Variants in BIN3 observed in about 807,000 individuals in gnomAD.
The protein encoded by BIN3 is bridging integrator 3.
Under a neutral mutation model 38.2 loss-of-function variants are expected in BIN3, and 41 were observed. The ratio of observed to expected loss-of-function variants is 1.07; its 90% confidence interval spans 0.84 to 1.39. The LOEUF is 1.39. Ranked by LOEUF, BIN3 falls within the 40% of genes most tolerant of loss-of-function variation. The pLI is 0.00. For synonymous variants in BIN3, 145 were observed against 122.6 expected, an observed-to-expected ratio of 1.18 and a Z score of -1.21; for missense variants, 361 against 324.3, an observed-to-expected ratio of 1.11 and a Z score of -0.87.
intron 1 of BIN3, among the ~76,000 whole-genome samples, chr8:22,648,894 C>CATATGTATGTATGTAT (rs369500575): frequency 6.8e-6 from 1 of 147,902 alleles, no homozygotes; most frequent in African/African-American, 2.5e-5. Context: ...TCCACATCAA[C>CATATGTATGTATGTAT]GTATGTATGT....
intron 8 of BIN3, among the ~76,000 whole-genome samples, chr8:22,622,857 A>G (rs895794103): frequency 6.6e-6 from 1 of 152,214 alleles, no homozygotes; most frequent in Non-Finnish European, 1.5e-5. Context: ...AGAAGGCTCT[A>G]GGTCTCACTG....
chr8:22,638,819 C>T (rs1299661019), intron 2 of BIN3, among the ~76,000 whole-genome samples: 1 of 152,216 alleles, frequency 6.6e-6, no homozygotes, highest in African/African-American at 2.4e-5. Flanking sequence ...CGCCTCCCAT[C>T]CTACAATCTT....
chr8:22,630,787 A>G (rs1333616029), intron 4 of BIN3, among the ~76,000 whole-genome samples: 1 of 152,176 alleles, frequency 6.6e-6, no homozygotes, highest in Non-Finnish European at 1.5e-5. Flanking sequence ...ACTGCTCCAG[A>G]CAATTCTTTT....
chr8:22,659,784 A>G (rs1168516979), intron 1 of BIN3, among the ~76,000 whole-genome samples: 1 of 152,232 alleles, frequency 6.6e-6, no homozygotes, highest in African/African-American at 2.4e-5. Context: ...TTATCTATAA[A>G]ATAGGATGGA....
intron 1 of BIN3, 199 bp from the exon 2 acceptor site, chr8:22,645,002 C>T: frequency 1.9e-6 from 1 of 526,870 alleles, no homozygotes; most frequent in South Asian, 2.1e-5. Flanking sequence ...GGTCCTCCCA[C>T]CTACAGTGTC....
intron 8 of BIN3, chr8:22,622,624 G>A (rs1267356919): frequency 2.6e-5 from 4 of 152,336 alleles, no homozygotes; most frequent in Non-Finnish European, 2.9e-5. Context: ...AATGCTGCCT[G>A]GTTAAAGGGC....
At chr8:22,663,436 T>A (rs924244334) in intron 1 of BIN3, among the ~76,000 whole-genome samples, 14 of 106,284 alleles carry the variant, frequency 1.3e-4, no homozygotes, top group Non-Finnish European at 2.6e-4. Flanking sequence ...CCCCCCGATT[T>A]GTTTAAAAAA....
At chr8:22,660,983 C>T (rs1803217977) in intron 1 of BIN3, among the ~76,000 whole-genome samples, 1 of 152,188 alleles carries the variant, frequency 6.6e-6, no homozygotes, top group South Asian at 2.1e-4. Flanking sequence ...TTCCTGGGCT[C>T]CAGCAGTCCA....
At chr8:22,632,670 A>G (rs1002131092) in intron 4 of BIN3, among the ~76,000 whole-genome samples, 3 of 151,382 alleles carry the variant, frequency 2.0e-5, no homozygotes, top group Non-Finnish European at 4.4e-5. Flanking sequence ...CAACCCAAAA[A>G]GCCAGAGGAG....
chr8:22,627,187 G>C (rs1030552077), intron 6 of BIN3, among the ~76,000 whole-genome samples: 4 of 152,190 alleles, frequency 2.6e-5, no homozygotes, highest in Non-Finnish European at 4.4e-5. Flanking sequence ...AACCACGGTG[G>C]GGGGAGGTTG....
intron 4 of BIN3, among the ~76,000 whole-genome samples, chr8:22,635,469 C>T (rs550853837): frequency 1.3e-5 from 2 of 152,262 alleles, no homozygotes; most frequent in South Asian, 4.1e-4. Context: ...GGTATATAGA[C>T]ACGGCTTCCC....
intron 4 of BIN3, among the ~76,000 whole-genome samples, chr8:22,634,817 G>A (rs1006128639): frequency 1.3e-5 from 2 of 152,180 alleles, no homozygotes; most frequent in African/African-American, 2.4e-5. Flanking sequence ...GGAATGAGTG[G>A]GGCATGGGGA....
chr8:22,630,128 G>T, intron 5 of BIN3, 124 bp from the exon 6 acceptor site: 1 of 1,150,866 alleles, frequency 8.7e-7, no homozygotes, highest in Non-Finnish European at 1.3e-6. Flanking sequence ...TCCTTGTCCT[G>T]GGCCTGGCTT....
chr8:22,648,792 G>T (rs937511702), intron 1 of BIN3, among the ~76,000 whole-genome samples: 2 of 152,012 alleles, frequency 1.3e-5, no homozygotes, highest in Non-Finnish European at 2.9e-5. Context: ...TATATTTTGG[G>T]TTATAATCTA....
chr8:22,635,600 T>C (rs1267451220), intron 4 of BIN3, among the ~76,000 whole-genome samples: 1 of 151,894 alleles, frequency 6.6e-6, no homozygotes, highest in African/African-American at 2.4e-5. Context: ...GGCCCTGTTC[T>C]CAGTGCTTTA....
intron 1 of BIN3, among the ~76,000 whole-genome samples, chr8:22,668,025 A>G (rs1306383274): frequency 6.6e-6 from 1 of 152,174 alleles, no homozygotes; most frequent in Non-Finnish European, 1.5e-5. Context: ...AGAGTGGCAA[A>G]TATGTTCCCT....
chr8:22,637,623 C>T (rs1802414559), intron 2 of BIN3, among the ~76,000 whole-genome samples: 1 of 152,220 alleles, frequency 6.6e-6, no homozygotes, highest in African/African-American at 2.4e-5. Context: ...CGGGGCTGCA[C>T]TTGTTGCGGA....
At chr8:22,643,315 CAG>C (rs1166924247) in intron 2 of BIN3, among the ~76,000 whole-genome samples, 1 of 150,124 alleles carries the variant, frequency 6.7e-6, no homozygotes, top group Non-Finnish European at 1.5e-5. Flanking sequence ...CTGCATGAAG[CAG>C]AGAGGCCCCA....
intron 1 of BIN3, among the ~76,000 whole-genome samples, chr8:22,647,243 C>T (rs1802742468): frequency 1.3e-5 from 2 of 152,200 alleles, no homozygotes; most frequent in African/African-American, 4.8e-5. Flanking sequence ...GTACTGTAGA[C>T]AAGGGACCAA....
Sources: gnomAD v4.1 joint callset for allele counts (sites outside exome capture counted in the v4.1 genomes callset) on GRCh38, gnomAD v4.1.1 for gene constraint, MANE v1.5 for transcripts, NCBI Gene and HGNC (gene_info 2026-07-23, HGNC 2026-07-21) for gene names.